Variants in HORMAD2 observed in about 807,000 individuals in gnomAD.
HORMAD2 encodes the protein HORMA domain containing 2, also known as HORMA domain-containing protein 2.
Under a neutral mutation model 38.8 loss-of-function variants are expected in HORMAD2, and 45 were observed. The ratio of observed to expected loss-of-function variants is 1.16; its 90% confidence interval spans 0.91 to 1.49. The LOEUF is 1.49. HORMAD2 is among the 40% of genes most tolerant of loss of function. HORMAD2 has a pLI of 0.00. For synonymous variants in HORMAD2, 126 were observed against 122.8 expected, an observed-to-expected ratio of 1.03 and a Z score of -0.17; for missense variants, 338 against 367.0, an observed-to-expected ratio of 0.92 and a Z score of 0.65.
chr22:30,161,300 A>T (rs918494970), intron 10 of HORMAD2, among the ~76,000 whole-genome samples: 33 of 152,328 alleles, frequency 2.2e-4, no homozygotes, highest in African/African-American at 7.5e-4. Context: ...TCCTCTCAAC[A>T]CCTGCTAAAG....
At chr22:30,088,209 A>C (rs929933463) in intron 1 of HORMAD2, among the ~76,000 whole-genome samples, 1 of 150,316 alleles carries the variant, frequency 6.7e-6, no homozygotes, top group African/African-American at 2.4e-5. Context: ...ACATATATAC[A>C]TATATACACA....
At chr22:30,189,775 T>A in the HORMAD2 span, among the ~76,000 whole-genome samples, 1 of 152,102 alleles carries the variant, frequency 6.6e-6, no homozygotes, top group African/African-American at 2.4e-5. Flanking sequence ...TTGGTTTTGG[T>A]GTCCCCCTAC....
the HORMAD2 span, among the ~76,000 whole-genome samples, chr22:30,185,794 A>G: frequency 6.6e-6 from 1 of 152,140 alleles, no homozygotes; most frequent in Non-Finnish European, 1.5e-5. Flanking sequence ...GAAACTTGTC[A>G]GTTAAGGTTT....
chr22:30,080,261 G>C (rs1447671981), upstream of HORMAD2: 3 of 152,430 alleles, frequency 2.0e-5, no homozygotes, highest in African/African-American at 4.8e-5. Context: ...GGCTGCTGAG[G>C]GGCCGGGCGG....
intron 10 of HORMAD2, among the ~76,000 whole-genome samples, chr22:30,138,317 C>T (rs1357705344): frequency 1.3e-5 from 2 of 151,500 alleles, no homozygotes; most frequent in South Asian, 2.1e-4. Context: ...AGGTGTGCAC[C>T]GCCATGCCTG....
In HORMAD2 at chr22:30,176,308, A is replaced by G; in HGVS notation, c.*141A>G. The G allele has an allele frequency of 1.6e-6, 1 of 630,820 alleles. No individual in the cohort carries two copies. The highest frequency in any genetic ancestry group is 2.0e-5 in the South Asian group (1 of 49,130). The allele number at this position is 630,820 out of a possible 1,614,324, so 39.1% of individuals were successfully genotyped here. On this transcript the variant is annotated 3_prime_UTR_variant, in exon 11 of 11. Transcript: ENST00000336726. The stretch of plus-strand genomic sequence containing the variant: ...TGCTCAATTTTTTTTGTCAGTTGCT[A>G]AGTGCTAAATTACTGGCCAGGTAGG...
intron 5 of HORMAD2, among the ~76,000 whole-genome samples, chr22:30,106,106 G>A (rs1437731390): frequency 6.6e-6 from 1 of 152,124 alleles, no homozygotes; most frequent in Admixed American, 6.5e-5. Context: ...CGCCTCCCAG[G>A]TTCAAGCGAT....
At chr22:30,146,430 G>A (rs1409263625) in intron 10 of HORMAD2, among the ~76,000 whole-genome samples, 1 of 152,172 alleles carries the variant, frequency 6.6e-6, no homozygotes, top group Non-Finnish European at 1.5e-5. Context: ...AGGAGGCAGA[G>A]GTTGCAGTGA....
At chr22:30,130,291 A>G (rs1488061194) in intron 10 of HORMAD2, among the ~76,000 whole-genome samples, 1 of 152,210 alleles carries the variant, frequency 6.6e-6, no homozygotes, top group Non-Finnish European at 1.5e-5. Context: ...TAATTGTGCT[A>G]TTCACTTTCT....
chr22:30,150,671 C>T (rs1924695310), intron 10 of HORMAD2, among the ~76,000 whole-genome samples: 1 of 152,124 alleles, frequency 6.6e-6, no homozygotes, highest in African/African-American at 2.4e-5. Flanking sequence ...TGGGAGAAGT[C>T]CCAAAATCTG....
chr22:30,168,346 A>G (rs1191339595), intron 10 of HORMAD2, among the ~76,000 whole-genome samples: 2 of 152,156 alleles, frequency 1.3e-5, no homozygotes, highest in Non-Finnish European at 2.9e-5. Flanking sequence ...ATTCCTTCGG[A>G]CCTCAGAAGA....
At chr22:30,161,950 G>T (rs5753029) in intron 10 of HORMAD2, among the ~76,000 whole-genome samples, 13,491 of 152,060 alleles carry the variant, frequency 0.089, 1,037 homozygotes, top group South Asian at 0.23. Context: ...ATTTACACAT[G>T]AATACATTCT....
chr22:30,124,294 T>C (rs151219262), intron 10 of HORMAD2, among the ~76,000 whole-genome samples: 138 of 117,672 alleles, frequency 1.2e-3, no homozygotes, highest in Middle Eastern at 4.0e-3. Context: ...CACACACACA[T>C]ACATACATGT....
chr22:30,200,770 G>C, the HORMAD2 span, among the ~76,000 whole-genome samples: 1 of 101,290 alleles, frequency 9.9e-6, no homozygotes, highest in East Asian at 2.7e-4. Context: ...ATTATTTTGA[G>C]ACGGAGTCTG....
intron 10 of HORMAD2, among the ~76,000 whole-genome samples, chr22:30,162,727 G>A (rs1478159171): frequency 2.2e-5 from 3 of 136,258 alleles, no homozygotes; most frequent in Non-Finnish European, 4.6e-5. Context: ...TTTTGAGACA[G>A]AGTCTTGCTC....
intron 10 of HORMAD2, among the ~76,000 whole-genome samples, chr22:30,127,868 A>G (rs1922994786): frequency 6.6e-6 from 1 of 152,054 alleles, no homozygotes; most frequent in Non-Finnish European, 1.5e-5. Context: ...TTCAACTGTT[A>G]TTTTCTCCTC....
intron 10 of HORMAD2, among the ~76,000 whole-genome samples, chr22:30,145,473 A>G (rs552490489): frequency 5.1e-4 from 77 of 152,336 alleles, no homozygotes; most frequent in Non-Finnish European, 9.3e-4. Context: ...GAAAACATCA[A>G]TATAATGAAG....
intron 10 of HORMAD2, chr22:30,137,130 G>A (rs78167616): frequency 0.032 from 13,423 of 425,596 alleles, 274 homozygotes; most frequent in Non-Finnish European, 0.038. Flanking sequence ...TTTAGCCATG[G>A]AACACATTTT....
the HORMAD2 span, among the ~76,000 whole-genome samples, chr22:30,186,958 G>C: frequency 1.3e-5 from 2 of 152,190 alleles, no homozygotes; most frequent in South Asian, 4.1e-4. Flanking sequence ...TTTTGTCATG[G>C]CCTCTGGGAA....
Sources: allele counts gnomAD v4.1 joint callset (sites outside exome capture counted in the v4.1 genomes callset), GRCh38; gene constraint gnomAD v4.1.1; transcripts MANE v1.5; gene names NCBI Gene and HGNC (gene_info 2026-07-23, HGNC 2026-07-21).